COX16: variants seen among roughly 807,000 people sequenced by gnomAD.
COX16 encodes the protein cytochrome c oxidase assembly factor COX16, also known as cytochrome c oxidase assembly protein COX16 homolog, mitochondrial.
COX16 carries 12 observed loss-of-function variants against 15.4 expected under a neutral mutation model. The observed-to-expected ratio is 0.78, with a 90% confidence interval of 0.50 to 1.26. The LOEUF is 1.26. COX16 is among the 50% of genes most tolerant of loss of function. COX16 has a pLI of 0.00. For synonymous variants in COX16, 46 were observed against 41.1 expected, an observed-to-expected ratio of 1.12 and a Z score of -0.46; for missense variants, 124 against 127.6, an observed-to-expected ratio of 0.97 and a Z score of 0.14.
At chr14:70,328,212 T>C (rs67203490) in intron 3 of COX16, 30,910 of 150,850 alleles carry the variant, frequency 0.2, 4,122 homozygotes, top group East Asian at 0.62. Context: ...TCTGGGGAGA[T>C]AGTCTGGAGA....
intron 1 of COX16, among the ~76,000 whole-genome samples, chr14:70,343,410 T>C (rs1886681149): frequency 6.6e-6 from 1 of 152,182 alleles, no homozygotes; most frequent in Non-Finnish European, 1.5e-5. Context: ...TTGTTTAAGG[T>C]TTTCCTTCTT....
At chr14:70,353,033 C>T (rs1329874351) in intron 1 of COX16, among the ~76,000 whole-genome samples, 3 of 151,948 alleles carry the variant, frequency 2.0e-5, no homozygotes, top group African/African-American at 7.2e-5. Flanking sequence ...GAGGCCAAGG[C>T]GGGAGAATCA....
At chr14:70,337,952 T>A (rs900736490) in intron 2 of COX16, among the ~76,000 whole-genome samples, 2 of 151,842 alleles carry the variant, frequency 1.3e-5, no homozygotes, top group Non-Finnish European at 2.9e-5. Flanking sequence ...AAAATCATAA[T>A]AGAAATGTTG....
chr14:70,329,375 A>T (rs778264550), intron 2 of COX16, 139 bp from the exon 3 acceptor site: 51 of 644,822 alleles, frequency 7.9e-5, no homozygotes, highest in Non-Finnish European at 1.3e-4. Context: ...ATCTACTCTG[A>T]TCACATAATG....
At chr14:70,354,841 C>CGTGTGTGTGTGTGTGTGTGTGCGTGTGT (rs55646280) in intron 1 of COX16, among the ~76,000 whole-genome samples, 1 of 148,880 alleles carries the variant, frequency 6.7e-6, no homozygotes, top group Admixed American at 6.7e-5. Context: ...TGTGTGTGTG[C>CGTGTGTGTGTGTGTGTGTGTGCGTGTGT]GTGTGTGTGT....
intron 3 of COX16, among the ~76,000 whole-genome samples, chr14:70,327,113 A>G (rs1314082023): frequency 1.3e-5 from 2 of 152,108 alleles, no homozygotes; most frequent in Non-Finnish European, 2.9e-5. Flanking sequence ...TAACTTTTAC[A>G]TATCTGCTGT....
At chr14:70,337,919 AT>A (rs1284248790) in intron 2 of COX16, among the ~76,000 whole-genome samples, 5 of 152,090 alleles carry the variant, frequency 3.3e-5, no homozygotes, top group Non-Finnish European at 5.9e-5. Context: ...CAAAAAAAAA[AT>A]GAGGGGAAAA....
chr14:70,340,694 C>A (rs1886598414), intron 2 of COX16, among the ~76,000 whole-genome samples: 1 of 152,164 alleles, frequency 6.6e-6, no homozygotes, highest in Non-Finnish European at 1.5e-5. Flanking sequence ...CCCCCAATAC[C>A]CATCCACCTG....
chr14:70,359,266 A>G (rs562089616), intron 1 of COX16: 22 of 598,002 alleles, frequency 3.7e-5, no homozygotes, highest in African/African-American at 3.5e-4. Flanking sequence ...GATGGGAAAG[A>G]CGCCACGCTC....
intron 3 of COX16, 134 bp downstream of exon 3, chr14:70,329,040 C>T: frequency 1.7e-6 from 1 of 586,028 alleles, no homozygotes; most frequent in Non-Finnish European, 2.3e-6. Flanking sequence ...TTTTTATTTG[C>T]TTTTCAAATG....
intron 3 of COX16, among the ~76,000 whole-genome samples, chr14:70,327,462 A>G (rs1886118734): frequency 6.6e-6 from 1 of 152,080 alleles, no homozygotes; most frequent in African/African-American, 2.4e-5. Context: ...TTGTAGAACT[A>G]CAAGTTAGCA....
At chr14:70,354,346 G>A (rs755200135) in intron 1 of COX16, among the ~76,000 whole-genome samples, 1 of 152,148 alleles carries the variant, frequency 6.6e-6, no homozygotes, top group Non-Finnish European at 1.5e-5. Context: ...ATACAGGCAG[G>A]CCATGCTGAA....
chr14:70,326,239 A>C lies in COX16; in HGVS notation c.*94T>G, dbSNP rs1486938110. 1.1e-5 allele frequency: 12 copies of C among 1,062,546 alleles called. No homozygotes were observed. In the Admixed American group the frequency reaches 1.5e-4, roughly 14 times the overall value. The allele number at this position is 1,062,546 out of a possible 1,614,324, so 65.8% of individuals were successfully genotyped here. A position where few individuals can be genotyped will look rare whatever the true frequency, so the allele number is the denominator to read the frequency against. ...ATATCCAAGTTTCCATGGGCCTGGA[A>C]TTTCCTTTCCACTTGATAGAAGTAT... On this transcript the variant is annotated 3_prime_UTR_variant, in exon 4 of 4. Transcript: ENST00000389912.
Position 70,325,835 on chromosome 14 carries a change from A to C in COX16, c.*498T>G, listed in dbSNP as rs1886051113. On this transcript the variant is annotated 3_prime_UTR_variant, in exon 4 of 4. Coordinates refer to ENST00000389912, the MANE Select transcript of COX16 (RefSeq NM_016468.7). ...GACTGATTATCATACTATGTGAGGC[A>C]TTACAAAGAAAATCAAGACTCTTAG... is the stretch of plus-strand genomic sequence containing the variant. The C allele has an allele frequency of 6.6e-6, 1 of 152,270 alleles. No homozygotes were observed. Among genetic ancestry groups the C allele is most frequent in the Non-Finnish European group, 1.5e-5 (1 of 68,072 alleles). 9.4% of individuals were successfully genotyped at this position (152,270 alleles called of 1,614,324 possible).
At chr14:70,348,305 C>T (rs1339477231) in intron 1 of COX16, among the ~76,000 whole-genome samples, 1 of 152,218 alleles carries the variant, frequency 6.6e-6, no homozygotes, top group Non-Finnish European at 1.5e-5. Context: ...TGCCCCACGG[C>T]TCCTCCAACT....
chr14:70,331,821 T>A (rs1044641691), intron 2 of COX16, among the ~76,000 whole-genome samples: 13 of 44,710 alleles, frequency 2.9e-4, no homozygotes, highest in African/African-American at 9.8e-4. Flanking sequence ...ATGTTCAGGA[T>A]GTCACCAAGA....
chr14:70,327,702 A>T (rs1886127317), intron 3 of COX16, among the ~76,000 whole-genome samples: 1 of 152,224 alleles, frequency 6.6e-6, no homozygotes, highest in African/African-American at 2.4e-5. Context: ...AACGTAAGAT[A>T]TGTATGCTTA....
At chr14:70,337,634 A>G (rs1006439027) in intron 2 of COX16, among the ~76,000 whole-genome samples, 3 of 152,172 alleles carry the variant, frequency 2.0e-5, no homozygotes, top group Non-Finnish European at 1.5e-5. Context: ...AAGCAGATCT[A>G]TAGTGATCCT....
chr14:70,356,094 C>A (rs1372685083), intron 1 of COX16, among the ~76,000 whole-genome samples: 1 of 151,530 alleles, frequency 6.6e-6, no homozygotes, highest in Non-Finnish European at 1.5e-5. Context: ...AAAGAAAATT[C>A]TTTCCTTTAT....
Sources: gnomAD v4.1 joint callset for allele counts (sites outside exome capture counted in the v4.1 genomes callset) on GRCh38, gnomAD v4.1.1 for gene constraint, MANE v1.5 for transcripts, NCBI Gene and HGNC (gene_info 2026-07-23, HGNC 2026-07-21) for gene names.